Variants in FRMPD4 observed in about 807,000 individuals in gnomAD.
FRMPD4 encodes the protein FERM and PDZ domain-containing protein 4.
Under a neutral mutation model 94.1 loss-of-function variants are expected in FRMPD4, and 22 were observed. The ratio of observed to expected loss-of-function variants is 0.23; its 90% CI spans 0.17 to 0.33. The LOEUF is 0.33. Among genes scored for constraint, FRMPD4 ranks in the 10% least tolerant of loss-of-function variants. The pLI is 1.00. For missense variants in FRMPD4, 1,111 were observed against 1,339.9 expected (o/e 0.83, Z 2.67); for synonymous variants, 631 against 548.6 (o/e 1.15, Z -2.10).
chrX:11,894,665 G>A (rs998233307), intron 3 of FRMPD4, among the ~76,000 whole-genome samples: 4 of 111,820 alleles, frequency 3.6e-5, no homozygotes, highest in African/African-American at 1.3e-4. Flanking sequence ...AGGAATCAGC[G>A]CTTTAGACTA....
intron 1 of FRMPD4, among the ~76,000 whole-genome samples, chrX:12,184,858 T>C (rs1337929192): frequency 9.0e-6 from 1 of 111,054 alleles, no homozygotes; most frequent in Non-Finnish European, 1.9e-5. Context: ...GGGGGTGATG[T>C]AGGGGCGACG....
chrX:12,077,409 G>A (rs1408558640), intron 3 of FRMPD4, among the ~76,000 whole-genome samples: 1 of 111,857 alleles, frequency 8.9e-6, no homozygotes, highest in Non-Finnish European at 1.9e-5. Flanking sequence ...CAGTCCCTCG[G>A]TTCCTAATGG....
chrX:12,454,431 T>G (rs754172385), intron 1 of FRMPD4, among the ~76,000 whole-genome samples: 4 of 112,039 alleles, frequency 3.6e-5, no homozygotes, highest in Non-Finnish European at 5.6e-5. Context: ...CAATGAAATT[T>G]CTGGAAGAAC....
chrX:11,993,479 C>T (rs1193664467), intron 3 of FRMPD4, among the ~76,000 whole-genome samples: 2 of 112,174 alleles, frequency 1.8e-5, no homozygotes, highest in East Asian at 2.8e-4. Flanking sequence ...TGTCTCCAAA[C>T]ATTGACAAAT....
At chrX:11,891,421 G>A (rs2053872783) in intron 3 of FRMPD4, among the ~76,000 whole-genome samples, 1 of 112,459 alleles carries the variant, frequency 8.9e-6, no homozygotes, top group South Asian at 3.7e-4. Flanking sequence ...CAAGTGCAAG[G>A]CAAGGACACT....
chrX:11,963,002 A>G (rs1362724508), intron 3 of FRMPD4, among the ~76,000 whole-genome samples: 4 of 111,740 alleles, frequency 3.6e-5, no homozygotes, highest in Non-Finnish European at 7.5e-5. Context: ...CCTCATCACC[A>G]CTACTAATAA....
At chrX:11,991,942 A>G in intron 3 of FRMPD4, among the ~76,000 whole-genome samples, 1 of 111,774 alleles carries the variant, frequency 8.9e-6, no homozygotes, top group Non-Finnish European at 1.9e-5. Flanking sequence ...TGCTTGCCCT[A>G]ATTGCAAAGA....
At chrX:12,637,439 G>A (rs760639837) in intron 4 of FRMPD4, among the ~76,000 whole-genome samples, 4 of 112,463 alleles carry the variant, frequency 3.6e-5, no homozygotes, top group African/African-American at 1.3e-4. Flanking sequence ...GGAGGCTGAG[G>A]TGGAAGGATC....
chrX:12,485,705 T>C (rs929460295), intron 1 of FRMPD4, among the ~76,000 whole-genome samples: 2 of 110,491 alleles, frequency 1.8e-5, no homozygotes, highest in African/African-American at 6.6e-5. Flanking sequence ...GACCAGGAGT[T>C]TGAGACCAGC....
intron 1 of FRMPD4, among the ~76,000 whole-genome samples, chrX:12,463,128 C>T (rs899799371): frequency 8.9e-6 from 1 of 111,946 alleles, no homozygotes; most frequent in Admixed American, 9.4e-5. Context: ...TTATGAAGAA[C>T]AGACAAAAAG....
At chrX:12,510,151 G>A (rs1276032896) in intron 2 of FRMPD4, among the ~76,000 whole-genome samples, 3 of 112,011 alleles carry the variant, frequency 2.7e-5, no homozygotes, top group Non-Finnish European at 5.6e-5. Flanking sequence ...AAAATAATTT[G>A]TTGGTTTATG....
intron 3 of FRMPD4, among the ~76,000 whole-genome samples, chrX:11,986,833 C>A: frequency 9.1e-6 from 1 of 109,827 alleles, no homozygotes. Flanking sequence ...TAGACACATG[C>A]AACATGTCAA....
chrX:12,669,940 C>T lies in FRMPD4; in HGVS notation c.423-4923C>T, dbSNP rs187623159. Among the ~76,000 whole-genome samples the T allele has an allele frequency of 2.1e-4, 24 of 112,111 alleles. No homozygotes were observed. The East Asian group carries it at 4.8e-3, about 22-fold the overall frequency. On this transcript the variant is annotated intron_variant, in intron 4 of 16. Coordinates refer to ENST00000675598, the MANE Select transcript of FRMPD4 (RefSeq NM_001368397.1). ...TTAAGCCACTAAGTTTGTGGTAATT[C>T]GTTATAGCAGCCATAGGAATCTAAT...
chrX:12,534,429 A>G (rs1308338990), intron 2 of FRMPD4, among the ~76,000 whole-genome samples: 3 of 112,008 alleles, frequency 2.7e-5, no homozygotes, highest in African/African-American at 9.7e-5. Context: ...GAAGCCCACC[A>G]TCCTTCAGAC....
intron 15 of FRMPD4, 43 bp downstream of exon 15, chrX:12,717,176 A>C: frequency 3.4e-6 from 3 of 894,832 alleles, no homozygotes; most frequent in Non-Finnish European, 4.7e-6. Flanking sequence ...TAACCATATC[A>C]TTCCATCCTT....
intron 4 of FRMPD4, among the ~76,000 whole-genome samples, chrX:12,631,046 G>T (rs1323443723): frequency 9.0e-6 from 1 of 111,058 alleles, no homozygotes. Flanking sequence ...AGAAGGGGAA[G>T]ATGATACAAG....
At chrX:12,296,397 G>A (rs1329416161) in intron 1 of FRMPD4, among the ~76,000 whole-genome samples, 2 of 111,935 alleles carry the variant, frequency 1.8e-5, no homozygotes, top group African/African-American at 6.5e-5. Context: ...TGTGGGACAG[G>A]ACATAAATGA....
chrX:12,417,826 G>T (rs562851797), intron 1 of FRMPD4, among the ~76,000 whole-genome samples: 1 of 107,283 alleles, frequency 9.3e-6, no homozygotes, highest in African/African-American at 3.4e-5. Flanking sequence ...TGGCTAACAC[G>T]GTGAAACCCC....
At chrX:12,470,054 T>C (rs1365056119) in intron 1 of FRMPD4, among the ~76,000 whole-genome samples, 1 of 112,132 alleles carries the variant, frequency 8.9e-6, no homozygotes, top group African/African-American at 3.2e-5. Context: ...TGAAAACACT[T>C]TGTAAAGGGA....
Sources: allele counts gnomAD v4.1 joint callset (sites outside exome capture counted in the v4.1 genomes callset), GRCh38; gene constraint gnomAD v4.1.1; transcripts MANE v1.5; gene names NCBI Gene and HGNC (gene_info 2026-07-23, HGNC 2026-07-21).